Variants in HEXD observed in about 807,000 individuals in gnomAD.
The protein encoded by HEXD is N-acetyl-beta-galactosaminidase.
HEXD carries 47 observed loss-of-function variants against 54.2 expected under a neutral mutation model. That is an observed-to-expected ratio of 0.87 (90% CI 0.69 to 1.11). The LOEUF (loss-of-function observed/expected upper bound fraction) is 1.11, where lower values mean the gene tolerates loss of function less well. Ranked by LOEUF, HEXD falls within the 50% of genes least tolerant of loss-of-function variation. The pLI, the probability that HEXD is intolerant of heterozygous loss-of-function variation, is 0.00. For synonymous variants in HEXD, 293 were observed against 287.6 expected (o/e 1.02, Z -0.19); for missense variants, 576 against 649.2 (o/e 0.89, Z 1.23).
rs2053741501 is a variant in HEXD at position 82,435,727 on chromosome 17, G to T, written c.486G>T (p.Trp162Cys). Residue 162 changes from tryptophan to cysteine, a missense_variant, in exon 6 of 13, where the codon TGG becomes TGT. Trp to Cys is a radical substitution (Grantham distance 215). Transcript: ENST00000327949. ...GAGAGGGGGAGGCCTCGCGCCGGTG[G>T]CTACAGCAAGAGCAGAACAGCACGG... ...YLGEGEASRR[W>C]LQQEQNSTGK... 6.2e-7 allele frequency: 1 copy of T among 1,612,790 alleles called. No homozygotes were observed. The highest frequency in any genetic ancestry group is 8.5e-7 in the Non-Finnish European group (1 of 1,179,708).
intron 2 of HEXD, among the ~76,000 whole-genome samples, chr17:82,421,260 C>A (rs2053227450): frequency 1.3e-5 from 2 of 151,908 alleles, no homozygotes; most frequent in Admixed American, 1.3e-4. Context: ...AGGCCCAAGG[C>A]TGCAAAACTC....
At chr17:82,436,807 G>T in intron 7 of HEXD, 69 bp downstream of exon 7, 2 of 1,443,440 alleles carry the variant, frequency 1.4e-6, no homozygotes, top group South Asian at 2.4e-5. Context: ...CTGGCCCTGT[G>T]ACCCTGCAGC....
intron 9 of HEXD, chr17:82,439,979 A>C: frequency 6.8e-7 from 1 of 1,463,164 alleles, no homozygotes; most frequent in Admixed American, 2.1e-5. Context: ...AATCCGCAGA[A>C]ATGCACGCAG....
At position 82,437,289 on chromosome 17, in the gene HEXD, C is replaced by T. The variant is rs563954006; in HGVS notation, c.825C>T (p.His275=). 66 of 1,612,320 alleles carry T rather than the reference C, an allele frequency of 4.1e-5. No homozygotes were observed. Among genetic ancestry groups the T allele is most frequent in the Admixed American group, 3.3e-4 (20 of 59,986 alleles). The change falls in exon 8 of 13, where the codon CAC becomes CAT. Residue 275 remains histidine, a synonymous_variant. Coordinates refer to ENST00000327949, the MANE Select transcript of HEXD (RefSeq NM_001330542.2). ...VPPVEHHLRN[H]VQWLQVAGSG... Reference sequence around the variant, plus strand: ...CTGTTGAGCACCACCTCAGGAACCACGTGCAGTGGCTGCAGGTGGCGGGCA... The same window carrying T: ...CTGTTGAGCACCACCTCAGGAACCATGTGCAGTGGCTGCAGGTGGCGGGCA...
At chr17:82,438,101 G>A (rs760958505) in intron 8 of HEXD, among the ~76,000 whole-genome samples, 8 of 152,134 alleles carry the variant, frequency 5.3e-5, no homozygotes, top group Non-Finnish European at 8.8e-5. Flanking sequence ...GCCTGGCGTG[G>A]TGGCACGCGC....
At chr17:82,428,530 C>T in intron 3 of HEXD, 28 bp from the exon 4 acceptor site, 2 of 1,601,902 alleles carry the variant, frequency 1.2e-6, no homozygotes, top group African/African-American at 1.3e-5. Flanking sequence ...CTCACATGAC[C>T]CTCTCTCTAT....
chr17:82,418,562 G>T lies in HEXD; in HGVS notation c.-230G>T, dbSNP rs964624965. The stretch of plus-strand genomic sequence containing the variant: ...CGAACGCCGTAACAGGGAGCGCGAG[G>T]CAGGCACGGCGCAGGGACGCGAGTG... On this transcript the variant is annotated 5_prime_UTR_variant, in exon 1 of 13. Coordinates refer to ENST00000327949, the MANE Select transcript of HEXD (RefSeq NM_001330542.2). The T allele has an allele frequency of 1.3e-4, 103 of 788,046 alleles. 1 individual carries two copies. In the Admixed American group the frequency reaches 3.5e-3, roughly 27 times the overall value. The allele number at this position is 788,046 out of a possible 1,614,324, so 48.8% of individuals were successfully genotyped here.
chr17:82,424,311 GGGAA>G lies in HEXD; in HGVS notation c.85-80_85-77del, dbSNP rs1158878113. On this transcript the variant is annotated intron_variant, in intron 2 of 12. Coordinates refer to ENST00000327949, the MANE Select transcript of HEXD (RefSeq NM_001330542.2). ...CTCCCACAGTCTCCACAGGCTGAAA[GGGAA>G]GGCGTCTCCCTGCTGTGGACTTGCC... 48 of 850,540 alleles carry G rather than the reference GGGAA, an allele frequency of 5.6e-5. No individual in the cohort carries two copies. The African/African-American group carries it at 7.0e-4, about 12-fold the overall frequency. 52.7% of individuals were successfully genotyped at this position (850,540 alleles called of 1,614,324 possible).
intron 9 of HEXD, chr17:82,440,456 AT>A: frequency 1.7e-6 from 1 of 587,780 alleles, no homozygotes; most frequent in Non-Finnish European, 2.5e-6. Context: ...CTGTGTTAAT[AT>A]TGACGGTATT....
intron 5 of HEXD, 107 bp from the exon 6 acceptor site, chr17:82,435,582 T>C: frequency 8.7e-7 from 1 of 1,154,300 alleles, no homozygotes; most frequent in Non-Finnish European, 1.2e-6. Flanking sequence ...CCTGGCCTCC[T>C]CCCCACAGGC....
chr17:82,424,242 A>T, intron 2 of HEXD, 152 bp from the exon 3 acceptor site: 1 of 646,490 alleles, frequency 1.5e-6, no homozygotes, highest in South Asian at 1.8e-5. Context: ...AACGTAAAGT[A>T]CACATTCCGG....
rs536031570 is a variant in HEXD at position 82,424,550 on chromosome 17, A to G, written c.194+47A>G. 2.9e-5 allele frequency: 40 copies of G among 1,398,724 alleles called. No individual in the cohort carries two copies. In the East Asian group the frequency reaches 7.5e-4, roughly 26 times the overall value. 86.6% of individuals were successfully genotyped at this position (1,398,724 alleles called of 1,614,324 possible). ...ACAGGGGCGCGGCGTGAAAGCGGGG[A>G]AGGGGGGGTTCCGCAGGGCAGGAGG... On this transcript the variant is annotated intron_variant, in intron 3 of 12. Transcript: ENST00000327949.
At chr17:82,441,633 C>T (rs370033793) in intron 11 of HEXD, among the ~76,000 whole-genome samples, 167 bp from the exon 12 acceptor site, 1 of 152,066 alleles carries the variant, frequency 6.6e-6, no homozygotes, top group Non-Finnish European at 1.5e-5. Context: ...CAAGTCCCCC[C>T]ACTCCCAGGC....
intron 4 of HEXD, among the ~76,000 whole-genome samples, chr17:82,432,272 C>T (rs1043345969): frequency 6.6e-6 from 1 of 152,160 alleles, no homozygotes; most frequent in Admixed American, 6.5e-5. Flanking sequence ...GAGTGTGCAG[C>T]ACCATCTGGC....
intron 8 of HEXD, among the ~76,000 whole-genome samples, chr17:82,437,574 C>T (rs1220880934): frequency 2.6e-5 from 4 of 152,218 alleles, no homozygotes; most frequent in South Asian, 2.1e-4. Context: ...TTCAGGGTCA[C>T]GAACACGTGG....
intron 3 of HEXD, among the ~76,000 whole-genome samples, chr17:82,425,177 TGGAGGAGGCC>T (rs1246096228): frequency 7.5e-6 from 1 of 132,862 alleles, no homozygotes; most frequent in South Asian, 2.4e-4. Flanking sequence ...TGGAGGAGGC[TGGAGGAGGCC>T]GGAGAAGGCT....
rs1373872699 is a variant in HEXD, at chr17:82,418,569, C to A, written c.-223C>A. 2 of 723,942 alleles carry A rather than the reference C, an allele frequency of 2.8e-6. No homozygotes were observed. Among genetic ancestry groups the A allele is most frequent in the African/African-American group, 3.8e-5 (2 of 53,092 alleles). 44.8% of individuals were successfully genotyped at this position (723,942 alleles called of 1,614,324 possible). A position where few individuals can be genotyped will look rare whatever the true frequency, so the allele number is the denominator to read the frequency against. On this transcript the variant is annotated 5_prime_UTR_variant, in exon 1 of 13. Transcript: ENST00000327949. ...CGTAACAGGGAGCGCGAGGCAGGCA[C>A]GGCGCAGGGACGCGAGTGCGACGCG...
chr17:82,434,585 C>G lies in HEXD; in HGVS notation c.447+763C>G, dbSNP rs540465349. ...GGGTGTGGTGGCTCACGCCTGTAAT[C>G]CCAGCACTTTGGGAGACCAAAGTGG... is the stretch of plus-strand genomic sequence containing the variant. On this transcript the variant is annotated intron_variant, in intron 5 of 12. Transcript: ENST00000327949. This position sits in a 1 kb window ranked among gnomAD's most constrained non-coding sequence, Gnocchi z 4.5. Among the ~76,000 whole-genome samples the G allele has an allele frequency of 8.9e-4, 136 of 152,322 alleles. 1 individual carries two copies. The highest frequency in any genetic ancestry group is 1.8e-3 in the Non-Finnish European group (121 of 68,030).
chr17:82,439,390 C>T (rs1216173096), intron 8 of HEXD: 30 of 971,000 alleles, frequency 3.1e-5, no homozygotes, highest in Non-Finnish European at 3.7e-5. Flanking sequence ...GAGAGCATTG[C>T]AGCAAGGAAT....
Sources: gnomAD v4.1 joint callset for allele counts (sites outside exome capture counted in the v4.1 genomes callset) on GRCh38, gnomAD v4.1.1 for gene constraint, Gnocchi (gnomAD v3.1) non-coding constraint, MANE v1.5 for transcripts, NCBI Gene and HGNC (gene_info 2026-07-23, HGNC 2026-07-21) for gene names.